The following PHACTR1 variants were observed in gnomAD, a reference collection of about 807,000 sequenced individuals.
The protein encoded by PHACTR1 is RPEL repeat containing 1.
A neutral mutation model predicts 69.2 loss-of-function variants in PHACTR1; 16 were observed. The ratio of observed to expected loss-of-function variants is 0.23; its 90% confidence interval spans 0.16 to 0.35. PHACTR1 has a LOEUF of 0.35. Ranked by LOEUF, PHACTR1 falls within the 10% of genes least tolerant of loss-of-function variation. The probability of loss-of-function intolerance (pLI) is 1.00; values close to 1 mark genes in which losing one functional copy is unlikely to be tolerated. For missense variants in PHACTR1, 510 were observed against 734.7 expected (o/e 0.69, Z 3.54); for synonymous variants, 312 against 284.5 (o/e 1.10, Z -0.97).
intron 4 of PHACTR1, among the ~76,000 whole-genome samples, chr6:13,026,145 G>T (rs1801665804): frequency 6.6e-6 from 1 of 152,192 alleles, no homozygotes; most frequent in African/African-American, 2.4e-5. Flanking sequence ...ATCGCAGTCA[G>T]ATTTAACTGG....
At chr6:13,256,941 G>GA (rs1487256613) in intron 10 of PHACTR1, among the ~76,000 whole-genome samples, 7 of 152,076 alleles carry the variant, frequency 4.6e-5, no homozygotes, top group Middle Eastern at 3.2e-3. Context: ...ACATATCCAG[G>GA]TATCTTTATA....
At chr6:13,116,424 A>G (rs1211021349) in intron 5 of PHACTR1, among the ~76,000 whole-genome samples, 4 of 152,214 alleles carry the variant, frequency 2.6e-5, no homozygotes, top group African/African-American at 9.7e-5. Flanking sequence ...TCTTTTTTAA[A>G]AAGTAGCCAA....
intron 4 of PHACTR1, among the ~76,000 whole-genome samples, chr6:13,031,083 C>T (rs544909145): frequency 5.3e-5 from 8 of 152,254 alleles, no homozygotes; most frequent in African/African-American, 1.9e-4. Flanking sequence ...TACCCCTGGT[C>T]CAGAACCACT....
intron 4 of PHACTR1, among the ~76,000 whole-genome samples, chr6:13,006,714 G>A (rs1798845915): frequency 6.6e-6 from 1 of 152,072 alleles, no homozygotes; most frequent in Non-Finnish European, 1.5e-5. Flanking sequence ...CGATAGGCTA[G>A]ATCGTGTTGC....
chr6:12,933,752 C>T, intron 4 of PHACTR1: 2 of 1,612,790 alleles, frequency 1.2e-6, no homozygotes, highest in Non-Finnish European at 1.7e-6. Flanking sequence ...GAAGACAGCC[C>T]CTACATACAC....
intron 8 of PHACTR1, among the ~76,000 whole-genome samples, chr6:13,209,472 C>CAA (rs1766466839): frequency 6.6e-6 from 1 of 152,236 alleles, no homozygotes; most frequent in African/African-American, 2.4e-5. Flanking sequence ...CTGTTTGGGC[C>CAA]ATTGCTGCCC....
intron 4 of PHACTR1, among the ~76,000 whole-genome samples, chr6:13,016,437 C>G (rs1381450446): frequency 1.3e-5 from 2 of 152,180 alleles, no homozygotes; most frequent in Non-Finnish European, 1.5e-5. Context: ...TGAAATTTTA[C>G]AAAGGTATTG....
At chr6:13,265,792 C>T (rs1257578311) in intron 10 of PHACTR1, among the ~76,000 whole-genome samples, 1 of 152,202 alleles carries the variant, frequency 6.6e-6, no homozygotes. Flanking sequence ...GAACTCCCCT[C>T]CCCAGAATCC....
At chr6:13,014,355 G>A (rs112628262) in intron 4 of PHACTR1, among the ~76,000 whole-genome samples, 101 of 152,260 alleles carry the variant, frequency 6.6e-4, no homozygotes, top group African/African-American at 2.3e-3. Flanking sequence ...TCCCATTGAC[G>A]TATATGGTCC....
chr6:13,086,404 A>C (rs1214054989), intron 5 of PHACTR1, among the ~76,000 whole-genome samples: 1 of 152,124 alleles, frequency 6.6e-6, no homozygotes, highest in Non-Finnish European at 1.5e-5. Context: ...GGAGTTTGGC[A>C]GATATATACA....
At chr6:13,137,323 G>T (rs201589337) in intron 5 of PHACTR1, among the ~76,000 whole-genome samples, 1 of 152,166 alleles carries the variant, frequency 6.6e-6, no homozygotes, top group East Asian at 1.9e-4. Flanking sequence ...AACATAAAAA[G>T]TAATTTTTCA....
At chr6:13,257,532 A>T (rs1775348309) in intron 10 of PHACTR1, among the ~76,000 whole-genome samples, 1 of 152,142 alleles carries the variant, frequency 6.6e-6, no homozygotes, top group African/African-American at 2.4e-5. Context: ...GAAATAAAAT[A>T]AAATAAATAA....
intron 5 of PHACTR1, among the ~76,000 whole-genome samples, chr6:13,119,104 T>G (rs1471254769): frequency 6.6e-6 from 1 of 151,982 alleles, no homozygotes; most frequent in Non-Finnish European, 1.5e-5. Context: ...ATCTACCTCA[T>G]AAAAAAAATA....
At chr6:13,010,427 C>T (rs1417078568) in intron 4 of PHACTR1, among the ~76,000 whole-genome samples, 2 of 152,188 alleles carry the variant, frequency 1.3e-5, no homozygotes, top group African/African-American at 4.8e-5. Context: ...CACACCCAGC[C>T]CTTCCCATTA....
At position 13,089,239 on chromosome 6, in the gene PHACTR1, C is replaced by G. The variant is rs536395210; in HGVS notation, c.415+35710C>G. Among the ~76,000 whole-genome samples the G allele has an allele frequency of 5.6e-4, 86 of 152,302 alleles. 1 individual carries two copies. The highest frequency in any genetic ancestry group is 2.0e-3 in the African/African-American group (85 of 41,572). Reference sequence around the variant, plus strand: ...CCTGGGGCACAGGTGGGGACACTTACCAGTACATCTGCTCAAGCTCCATCC... The same window carrying G: ...CCTGGGGCACAGGTGGGGACACTTAGCAGTACATCTGCTCAAGCTCCATCC... On this transcript the variant is annotated intron_variant, in intron 5 of 14. Transcript: ENST00000332995.
Position 13,179,200 on chromosome 6 carries a change from C to T in PHACTR1, c.497-3319C>T, listed in dbSNP as rs990251482. Among the ~76,000 whole-genome samples the T allele has an allele frequency of 6.6e-6, 1 of 152,138 alleles. No individual in the cohort carries two copies. The highest frequency in any genetic ancestry group is 1.5e-5 in the Non-Finnish European group (1 of 68,028). On this transcript the variant is annotated intron_variant, in intron 6 of 14. Coordinates refer to ENST00000332995, the MANE Select transcript of PHACTR1 (RefSeq NM_030948.6). This position sits in a 1 kb window ranked among gnomAD's most constrained non-coding sequence, Gnocchi z 4.2. ...GCAGTGAGCCATGTTCATGCCACTG[C>T]ACTCCAGCCTGGGCAACAGAGTGAG...
At chr6:12,770,562 C>G (rs1769250488) in intron 4 of PHACTR1, among the ~76,000 whole-genome samples, 1 of 152,152 alleles carries the variant, frequency 6.6e-6, no homozygotes, top group Non-Finnish European at 1.5e-5. Context: ...GCATTCTAAT[C>G]AGAGAAGACA....
At chr6:12,786,870 A>G (rs555862607) in intron 4 of PHACTR1, among the ~76,000 whole-genome samples, 38 of 152,370 alleles carry the variant, frequency 2.5e-4, no homozygotes, top group African/African-American at 8.4e-4. Flanking sequence ...TCCTGGTTAA[A>G]TCACTGATAG....
intron 4 of PHACTR1, among the ~76,000 whole-genome samples, chr6:12,799,354 A>G (rs1773446867): frequency 1.3e-5 from 2 of 152,196 alleles, no homozygotes; most frequent in Admixed American, 1.3e-4. Context: ...ATCAAGATGA[A>G]TATGTCAATG....
Sources: allele counts gnomAD v4.1 joint callset (sites outside exome capture counted in the v4.1 genomes callset), GRCh38; gene constraint gnomAD v4.1.1; non-coding constraint Gnocchi (gnomAD v3.1); transcripts MANE v1.5; gene names NCBI Gene and HGNC (gene_info 2026-07-23, HGNC 2026-07-21).